PRKDC: variants seen among roughly 807,000 people sequenced by gnomAD.
PRKDC encodes the protein protein kinase, DNA-activated, catalytic subunit, also known as DNA-dependent protein kinase catalytic subunit.
Under a neutral mutation model 486.9 loss-of-function variants are expected in PRKDC, and 82 were observed. The observed-to-expected ratio is 0.17, with a 90% confidence interval of 0.14 to 0.20. PRKDC has a LOEUF of 0.20. Ranked by LOEUF, PRKDC falls within the 10% of genes least tolerant of loss-of-function variation. The pLI, the probability that PRKDC is intolerant of heterozygous loss-of-function variation, is 1.00. For missense variants in PRKDC, 4,504 were observed against 5,038.2 expected, an observed-to-expected ratio of 0.89 and a Z score of 3.21; for synonymous variants, 1,895 against 1,837.0, an observed-to-expected ratio of 1.03 and a Z score of -0.81.
chr8:47,832,394 T>G (rs1394114653), intron 59 of PRKDC, among the ~76,000 whole-genome samples: 1 of 151,972 alleles, frequency 6.6e-6, no homozygotes, highest in Admixed American at 6.6e-5. Flanking sequence ...TCACGACAGG[T>G]TCTAAGGAAA....
chr8:47,859,069 G>A, intron 46 of PRKDC, 83 bp from the exon 47 acceptor site: 1 of 1,466,660 alleles, frequency 6.8e-7, no homozygotes, highest in Non-Finnish European at 9.4e-7. Flanking sequence ...GCTCTTTCTG[G>A]GGCAACAGCA....
Position 47,800,982 on chromosome 8 carries a change from C to T in PRKDC, c.9927G>A (p.Glu3309=), listed in dbSNP as rs760097225. 3.1e-6 allele frequency: 5 copies of T among 1,613,398 alleles called. No individual in the cohort carries two copies. The highest frequency in any genetic ancestry group is 1.7e-5 in the Admixed American group (1 of 59,930). ...TVLKTVSLLD[E]NNVSSYLSKN... is the part of the protein sequence containing the mutation. ...TGCTTAAGTAGCTTGACACGTTGTT[C>T]TCATCTGTTGGATTAAAAAAACAAA... Residue 3309 remains glutamate (E), a synonymous_variant, in exon 71 of 86, where the codon GAG becomes GAA. Transcript: ENST00000314191.
chr8:47,858,195 G>A (rs1563770336), intron 48 of PRKDC, among the ~76,000 whole-genome samples: 2 of 148,136 alleles, frequency 1.4e-5, no homozygotes, highest in South Asian at 2.1e-4. Flanking sequence ...TCCACCCCCC[G>A]CTTTTTTTTT....
At chr8:47,928,060 G>A (rs1341622956) in intron 19 of PRKDC, among the ~76,000 whole-genome samples, 170 bp from the exon 20 acceptor site, 3 of 151,590 alleles carry the variant, frequency 2.0e-5, no homozygotes, top group African/African-American at 7.3e-5. Flanking sequence ...TTAATTTGTC[G>A]AAATGCTTAA....
chr8:47,894,589 G>C (rs1204369523), intron 30 of PRKDC, among the ~76,000 whole-genome samples: 3 of 152,128 alleles, frequency 2.0e-5, no homozygotes, highest in African/African-American at 4.8e-5. Flanking sequence ...AGGACCTGCT[G>C]TCTGTTTCTG....
Position 47,799,307 on chromosome 8 carries a change from G to A in PRKDC, c.10200C>T (p.Ser3400=). ...CCCCAGCTGCAGGCCCACAGCTCCA[G>A]GAGGGAGGCTGGGCCTCCTCCTCAG... ...QAAEEEAQPP[S]WSCGPAAGVI... is the part of the protein sequence containing the mutation. The change falls in exon 72 of 86, where the codon TCC becomes TCT. Residue 3400 remains serine, a synonymous_variant. Transcript: ENST00000314191. 6.2e-7 allele frequency: 1 copy of A among 1,613,400 alleles called. No individual in the cohort carries two copies. The highest frequency in any genetic ancestry group is 8.5e-7 in the Non-Finnish European group (1 of 1,179,862).
intron 21 of PRKDC, among the ~76,000 whole-genome samples, chr8:47,922,029 C>G (rs1309045235): frequency 1.3e-5 from 2 of 152,198 alleles, no homozygotes; most frequent in African/African-American, 4.8e-5. Flanking sequence ...GATCTGCCTA[C>G]CTCGGCCTCC....
In PRKDC at chr8:47,837,275, G is replaced by A; in HGVS notation, c.7698C>T (p.Thr2566=). ...GGTTTGGATAATCTGGGCTCATGCT[G>A]GTCATTTCGAGCAGAAAATTTGTTG... ...SLATNFLLEM[T]SMSPDYPNPM... is the part of the protein sequence containing the mutation. The change falls in exon 57 of 86, where the codon ACC becomes ACT. Residue 2566 remains threonine, a synonymous_variant. Transcript: ENST00000314191. 6.2e-7 allele frequency: 1 copy of A among 1,613,880 alleles called. No individual in the cohort carries two copies. The highest frequency in any genetic ancestry group is 8.5e-7 in the Non-Finnish European group (1 of 1,179,864).
intron 67 of PRKDC, among the ~76,000 whole-genome samples, chr8:47,818,826 C>G (rs1390429859): frequency 6.6e-6 from 1 of 152,096 alleles, no homozygotes; most frequent in African/African-American, 2.4e-5. Flanking sequence ...TTCAGATTAA[C>G]AAACAAAACA....
chr8:47,808,152 A>C (rs1055707583), intron 68 of PRKDC, among the ~76,000 whole-genome samples: 1 of 151,968 alleles, frequency 6.6e-6, no homozygotes, highest in Non-Finnish European at 1.5e-5. Flanking sequence ...TTTCTTTTTT[A>C]TTTTTTTGAG....
In PRKDC at chr8:47,862,528, C is replaced by A; in HGVS notation, c.5764G>T (p.Ala1922Ser). 1 of 1,607,318 alleles carries A rather than the reference C, an allele frequency of 6.2e-7. No homozygotes were observed. ...TCTCCTGCCATGTTCTCTGTAAATG[C>A]ATCGTAGCACAATCTGCAGAGAGAT... is the stretch of plus-strand genomic sequence containing the variant. ...TKTLIKLCYD[A>S]FTENMAGENQ... The change falls in exon 43 of 86, where the codon GCA (alanine) becomes TCA (serine). Residue 1922 changes from alanine to serine, a missense_variant. This residue lies in a region of PRKDC where 80 missense variants were observed against 132.3 expected (regional missense o/e 0.60). Coordinates refer to ENST00000314191, the MANE Select transcript of PRKDC (RefSeq NM_006904.7).
At chr8:47,940,817 A>G (rs78774456) in intron 10 of PRKDC, among the ~76,000 whole-genome samples, 4,397 of 152,286 alleles carry the variant, frequency 0.029, 221 homozygotes, top group African/African-American at 0.099. Flanking sequence ...TGGCTCATAA[A>G]TATCATATAT....
intron 28 of PRKDC, among the ~76,000 whole-genome samples, chr8:47,899,654 CAAATA>C (rs1045515661): frequency 1.6e-4 from 25 of 151,982 alleles, no homozygotes; most frequent in African/African-American, 5.6e-4. Flanking sequence ...AAAAAATAAA[CAAATA>C]AAATAAAATA....
intron 63 of PRKDC, 145 bp downstream of exon 63, chr8:47,826,511 A>G (rs2087740754): frequency 7.3e-6 from 6 of 817,062 alleles, no homozygotes; most frequent in Middle Eastern, 7.5e-4. Flanking sequence ...AATGGTACTC[A>G]GCCTGAAAGA....
chr8:47,798,441 A>C, intron 72 of PRKDC, 44 bp from the exon 73 acceptor site: 1 of 1,505,088 alleles, frequency 6.6e-7, no homozygotes. Flanking sequence ...AATGTATCCC[A>C]ATATCCATAA....
chr8:47,823,631 CAG>C (rs1348309127), intron 64 of PRKDC, among the ~76,000 whole-genome samples: 105 of 151,934 alleles, frequency 6.9e-4, no homozygotes, highest in Non-Finnish European at 2.9e-5. Flanking sequence ...CCTATTCAAA[CAG>C]AAACTGTGTA....
At chr8:47,882,591 C>T (rs374815384) in intron 36 of PRKDC, among the ~76,000 whole-genome samples, 65 of 152,312 alleles carry the variant, frequency 4.3e-4, no homozygotes, top group African/African-American at 1.5e-3. Context: ...CACTAGCACA[C>T]ACAGGTGTAC....
intron 71 of PRKDC, 119 bp downstream of exon 71, chr8:47,800,674 C>T: frequency 1.2e-6 from 1 of 846,596 alleles, no homozygotes; most frequent in Non-Finnish European, 1.7e-6. Context: ...CTGTGCATAA[C>T]TGTCAAATAT....
chr8:47,826,952 G>C (rs779976087), intron 62 of PRKDC, 91 bp from the exon 63 acceptor site: 2 of 1,251,974 alleles, frequency 1.6e-6, no homozygotes, highest in East Asian at 5.2e-5. Context: ...AACATAAAAG[G>C]TACCCATGTG....
Sources: gnomAD v4.1 joint callset for allele counts (sites outside exome capture counted in the v4.1 genomes callset) on GRCh38, gnomAD v4.1.1 for gene constraint, gnomAD v4.1.1 regional missense constraint, MANE v1.5 for transcripts, NCBI Gene and HGNC (gene_info 2026-07-23, HGNC 2026-07-21) for gene names.